Variants in UBASH3B observed in about 807,000 individuals in gnomAD.
The protein encoded by UBASH3B is ubiquitin associated and SH3 domain containing B.
Under a neutral mutation model 83.4 loss-of-function variants are expected in UBASH3B, and 37 were observed. That is an observed-to-expected ratio of 0.44 (90% CI 0.34 to 0.58). The LOEUF (loss-of-function observed/expected upper bound fraction) is 0.58, where lower values mean the gene tolerates loss of function less well. UBASH3B is among the 20% of genes least tolerant of loss of function. UBASH3B has a pLI of 0.01. For synonymous variants in UBASH3B, 304 were observed against 318.3 expected, an observed-to-expected ratio of 0.96 and a Z score of 0.48; for missense variants, 657 against 827.2, an observed-to-expected ratio of 0.79 and a Z score of 2.52.
At chr11:122,711,509 G>A (rs1330148023) in intron 1 of UBASH3B, among the ~76,000 whole-genome samples, 2 of 152,206 alleles carry the variant, frequency 1.3e-5, no homozygotes, top group Non-Finnish European at 2.9e-5. Flanking sequence ...GAACGGAGCC[G>A]AGGAAGGCCG....
chr11:122,798,893 G>C (rs376238751), intron 9 of UBASH3B, 49 bp from the exon 10 acceptor site: 11 of 1,551,068 alleles, frequency 7.1e-6, no homozygotes, highest in Non-Finnish European at 9.8e-6. Flanking sequence ...GGGTCAAGGT[G>C]AGACTGAGTA....
chr11:122,771,575 A>G (rs1395945621), intron 1 of UBASH3B, among the ~76,000 whole-genome samples: 1 of 152,114 alleles, frequency 6.6e-6, no homozygotes, highest in African/African-American at 2.4e-5. Flanking sequence ...ATCAAGCATC[A>G]TTTCTTTTAG....
chr11:122,687,550 G>T (rs1019415325), intron 1 of UBASH3B, among the ~76,000 whole-genome samples: 3 of 152,150 alleles, frequency 2.0e-5, no homozygotes, highest in African/African-American at 7.2e-5. Flanking sequence ...GAGGGACCAC[G>T]AGAAAGATAT....
rs1366472030 is a variant in UBASH3B at position 122,674,470 on chromosome 11, TC to T, written c.161+18264del. Among the ~76,000 whole-genome samples, 6 of 149,134 alleles carry T rather than the reference TC, an allele frequency of 4.0e-5. No homozygotes were observed. In the East Asian group the frequency reaches 1.0e-3, roughly 25 times the overall value. ...ATCTCAGTTCACTGCAAGCTCCGCC[TC>T]CCCGGTTCACGCCATTCTCCTGCCT... On this transcript the variant is annotated intron_variant, in intron 1 of 13. Transcript: ENST00000284273.
intron 4 of UBASH3B, among the ~76,000 whole-genome samples, chr11:122,781,033 G>A (rs553882686): frequency 6.6e-6 from 1 of 152,240 alleles, no homozygotes; most frequent in Admixed American, 6.5e-5. Flanking sequence ...TACCAGAAAA[G>A]CACCACACAG....
chr11:122,672,703 T>C (rs1203253205), intron 1 of UBASH3B, among the ~76,000 whole-genome samples: 1 of 152,156 alleles, frequency 6.6e-6, no homozygotes, highest in Non-Finnish European at 1.5e-5. Flanking sequence ...AAACAACTTT[T>C]GGAAACCATT....
chr11:122,806,536 A>T lies in UBASH3B; in HGVS notation c.1702+20A>T. 6.3e-7 allele frequency: 1 copy of T among 1,589,606 alleles called. No individual in the cohort carries two copies. The highest frequency in any genetic ancestry group is 8.5e-7 in the Non-Finnish European group (1 of 1,171,862). Reference sequence around the variant, plus strand: ...GTAAAGGTAAGTGGTATTATTCTGAACTCCATCTGTACATACGTGATTATT... The same window carrying T: ...GTAAAGGTAAGTGGTATTATTCTGATCTCCATCTGTACATACGTGATTATT... On this transcript the variant is annotated intron_variant, in intron 12 of 13. Transcript: ENST00000284273. This position sits in a 1 kb window ranked among gnomAD's most constrained non-coding sequence, Gnocchi z 4.0.
chr11:122,703,742 G>A (rs1196159393), intron 1 of UBASH3B, among the ~76,000 whole-genome samples: 3 of 152,186 alleles, frequency 2.0e-5, no homozygotes, highest in Non-Finnish European at 4.4e-5. Flanking sequence ...AGCATCTCAT[G>A]TCCCATGACA....
intron 1 of UBASH3B, among the ~76,000 whole-genome samples, chr11:122,699,525 TTCTTTCTCTTTCTTTC>T (rs1864008441): frequency 9.4e-6 from 1 of 106,134 alleles, no homozygotes; most frequent in Non-Finnish European, 1.9e-5. Flanking sequence ...TTCTCTTTCT[TTCTTTCTCTTTCTTTC>T]TTTCTTTCTT....
At chr11:122,766,923 C>A (rs1860551991) in intron 1 of UBASH3B, among the ~76,000 whole-genome samples, 1 of 152,212 alleles carries the variant, frequency 6.6e-6, no homozygotes, top group Non-Finnish European at 1.5e-5. Context: ...CCCGAGTAGT[C>A]CTGCTGACAG....
intron 1 of UBASH3B, among the ~76,000 whole-genome samples, chr11:122,749,791 G>A (rs1328106878): frequency 6.6e-6 from 1 of 152,176 alleles, no homozygotes; most frequent in Non-Finnish European, 1.5e-5. Flanking sequence ...GCAATGCAGT[G>A]GCGCTTTCTC....
chr11:122,672,245 G>T (rs1344644102), intron 1 of UBASH3B, among the ~76,000 whole-genome samples: 1 of 151,930 alleles, frequency 6.6e-6, no homozygotes, highest in Non-Finnish European at 1.5e-5. Context: ...ACATAATGTG[G>T]TATGATGGAG....
chr11:122,808,805 A>G (rs1861386522), intron 13 of UBASH3B, among the ~76,000 whole-genome samples: 1 of 152,168 alleles, frequency 6.6e-6, no homozygotes, highest in Non-Finnish European at 1.5e-5. Flanking sequence ...CATTTTTGAA[A>G]AGTTTATTTA....
chr11:122,778,139 A>G (rs1283307361), intron 3 of UBASH3B, among the ~76,000 whole-genome samples: 3 of 133,060 alleles, frequency 2.3e-5, no homozygotes, highest in Admixed American at 2.2e-4. Flanking sequence ...TATATTCAAG[A>G]CCAAACAAAG....
At chr11:122,727,361 T>C (rs769853425) in intron 1 of UBASH3B, among the ~76,000 whole-genome samples, 3 of 152,184 alleles carry the variant, frequency 2.0e-5, no homozygotes, top group Non-Finnish European at 4.4e-5. Flanking sequence ...ACATCATGTC[T>C]TTGCTTACTG....
intron 4 of UBASH3B, among the ~76,000 whole-genome samples, chr11:122,780,947 G>A (rs1469716386): frequency 6.6e-6 from 1 of 152,158 alleles, no homozygotes; most frequent in Non-Finnish European, 1.5e-5. Context: ...TTGGCCTTTG[G>A]CCTATCCCTC....
Position 122,809,836 on chromosome 11 carries a change from C to A in UBASH3B, c.1900C>A (p.His634Asn). Residue 634 changes from histidine (H) to asparagine (N), a missense_variant, in exon 14 of 14, where the codon CAT (histidine) becomes AAT (asparagine). By Grantham distance (68) the His-to-Asn change is moderately conservative. Transcript: ENST00000284273. ...LTDPPILPLT[H>N]GPTGGFNWRE... ...AGATCCACCAATCCTTCCTCTTACC[C>A]ATGGACCAACTGGGGGCTTCAACTG... 1 of 1,614,132 alleles carries A rather than the reference C, an allele frequency of 6.2e-7. No individual in the cohort carries two copies. The highest frequency in any genetic ancestry group is 8.5e-7 in the Non-Finnish European group (1 of 1,180,022).
intron 1 of UBASH3B, among the ~76,000 whole-genome samples, chr11:122,771,562 C>T (rs1860643829): frequency 6.6e-6 from 1 of 152,144 alleles, no homozygotes; most frequent in African/African-American, 2.4e-5. Flanking sequence ...TTTTAAGGTC[C>T]AGATCAAGCA....
chr11:122,699,515 TTCTCTTTCTTTCTTTC>T (rs1373810757), intron 1 of UBASH3B, among the ~76,000 whole-genome samples: 129 of 139,204 alleles, frequency 9.3e-4, no homozygotes, highest in African/African-American at 2.4e-3. Flanking sequence ...CTTTCTTTCT[TTCTCTTTCTTTCTTTC>T]TCTTTCTTTC....
Sources: allele counts gnomAD v4.1 joint callset (sites outside exome capture counted in the v4.1 genomes callset), GRCh38; gene constraint gnomAD v4.1.1; non-coding constraint Gnocchi (gnomAD v3.1); transcripts MANE v1.5; gene names NCBI Gene and HGNC (gene_info 2026-07-23, HGNC 2026-07-21).